The following ANO1 variants were observed in gnomAD, a reference collection of about 807,000 sequenced individuals.
The protein encoded by ANO1 is anoctamin-1.
In ANO1, 59 loss-of-function variants were observed where a neutral mutation model predicts 124.0. That is an observed-to-expected ratio of 0.48 (90% CI 0.39 to 0.59). The LOEUF is 0.59. ANO1 is among the 20% of genes least tolerant of loss of function. The pLI is 0.00. For missense variants in ANO1, 1,059 were observed against 1,328.0 expected, an observed-to-expected ratio of 0.80 and a Z score of 3.15; for synonymous variants, 529 against 532.0, an observed-to-expected ratio of 0.99 and a Z score of 0.08.
At chr11:70,003,250 C>T (rs1856418719) in intron 1 of ANO1, among the ~76,000 whole-genome samples, 1 of 152,186 alleles carries the variant, frequency 6.6e-6, no homozygotes, top group South Asian at 2.1e-4. Flanking sequence ...GAAAAGACAG[C>T]TTTACTCATA....
intron 1 of ANO1, among the ~76,000 whole-genome samples, chr11:70,006,989 G>A (rs1370630933): frequency 2.6e-5 from 4 of 151,970 alleles, no homozygotes; most frequent in South Asian, 4.1e-4. Flanking sequence ...CATTTTAAAT[G>A]TACAGTACAA....
upstream of ANO1, among the ~76,000 whole-genome samples, chr11:69,982,773 T>G (rs537028142): frequency 7.8e-4 from 118 of 152,254 alleles, no homozygotes; most frequent in African/African-American, 2.8e-3. Context: ...GGGCTTTGTT[T>G]TGCTCCCTTT....
At chr11:70,001,439 C>T (rs974578263) in intron 1 of ANO1, among the ~76,000 whole-genome samples, 7 of 152,304 alleles carry the variant, frequency 4.6e-5, no homozygotes, top group Non-Finnish European at 7.4e-5. Flanking sequence ...CACACTCAGA[C>T]ACGAGGATGG....
chr11:70,131,488 C>A (rs185349120), intron 10 of ANO1, among the ~76,000 whole-genome samples: 58 of 152,204 alleles, frequency 3.8e-4, no homozygotes, highest in African/African-American at 1.3e-3. Context: ...CCACCATGCC[C>A]GGCTAATTTT....
intron 1 of ANO1, among the ~76,000 whole-genome samples, chr11:70,052,516 A>C (rs1252030111): frequency 1.2e-5 from 1 of 83,820 alleles, no homozygotes; most frequent in African/African-American, 4.8e-5. Context: ...TTTGGGGAGA[A>C]TTTCTTTTTC....
chr11:70,038,341 A>C (rs112042703), intron 1 of ANO1, among the ~76,000 whole-genome samples: 4 of 152,246 alleles, frequency 2.6e-5, no homozygotes, highest in African/African-American at 9.6e-5. Flanking sequence ...AATCGGGTCA[A>C]GCTTAGAATG....
chr11:69,985,606 C>A (rs1447332484), upstream of ANO1, among the ~76,000 whole-genome samples: 3 of 152,212 alleles, frequency 2.0e-5, no homozygotes, highest in Non-Finnish European at 4.4e-5. Flanking sequence ...GTAGTCAACA[C>A]CCCTTCCCTG....
intron 1 of ANO1, among the ~76,000 whole-genome samples, chr11:69,995,844 C>T (rs782615166): frequency 9.2e-5 from 14 of 152,172 alleles, no homozygotes; most frequent in South Asian, 2.1e-4. Context: ...CAGTGGCTCA[C>T]GTCTGTAATC....
intron 3 of ANO1, among the ~76,000 whole-genome samples, chr11:70,103,641 G>A (rs967442386): frequency 6.6e-6 from 1 of 152,194 alleles, no homozygotes; most frequent in Non-Finnish European, 1.5e-5. Context: ...GCTTAGCTTG[G>A]AGTCGGTATT....
intron 6 of ANO1, among the ~76,000 whole-genome samples, chr11:70,110,376 C>T (rs983670114): frequency 5.9e-5 from 9 of 151,858 alleles, no homozygotes; most frequent in African/African-American, 1.5e-4. Context: ...TTAGTAGAGA[C>T]GGGGTTTCAC....
rs370815339 is a variant in ANO1 at position 70,149,851 on chromosome 11, G to A, written c.1341+59G>A. On this transcript the variant is annotated intron_variant, in intron 12 of 25. Coordinates refer to ENST00000355303, the MANE Select transcript of ANO1 (RefSeq NM_018043.7). Reference sequence around the variant, plus strand: ...TTCCCCCACGTTCCCCCTACCCCAGGACCTCCTTGGGACTTACACGGAGGC... The same window carrying A: ...TTCCCCCACGTTCCCCCTACCCCAGAACCTCCTTGGGACTTACACGGAGGC... The A allele has an allele frequency of 2.4e-4, 385 of 1,575,556 alleles. No individual in the cohort carries two copies. The African/African-American group carries it at 4.4e-3, about 18-fold the overall frequency.
intron 1 of ANO1, among the ~76,000 whole-genome samples, chr11:70,042,548 TGAGA>T (rs146754285): frequency 9.5e-5 from 13 of 136,306 alleles, no homozygotes; most frequent in Admixed American, 1.4e-4. Flanking sequence ...ATTGAGAGAT[TGAGA>T]GAGAGAGAGA....
chr11:70,083,427 C>G (rs80163094), intron 1 of ANO1, among the ~76,000 whole-genome samples: 24,321 of 151,954 alleles, frequency 0.16, 2,157 homozygotes, highest in Admixed American at 0.24. Flanking sequence ...CTTGATCAGG[C>G]CCCAGTGCTG....
chr11:70,010,160 T>C (rs1410443399), intron 1 of ANO1, among the ~76,000 whole-genome samples: 630 of 62,232 alleles, frequency 0.01, 21 homozygotes, highest in African/African-American at 0.032. Flanking sequence ...TGTGTGTGTG[T>C]GTGTGCGCGT....
intron 1 of ANO1, among the ~76,000 whole-genome samples, chr11:70,006,669 T>C (rs868951337): frequency 0.079 from 8,994 of 113,702 alleles, 439 homozygotes; most frequent in Non-Finnish European, 0.096. Flanking sequence ...CTTTCTTTTT[T>C]TTTTTTTTTT....
At chr11:70,084,128 C>T (rs1160074932) in intron 1 of ANO1, among the ~76,000 whole-genome samples, 4 of 152,102 alleles carry the variant, frequency 2.6e-5, no homozygotes, top group African/African-American at 2.4e-5. Context: ...GAGGAATAGC[C>T]GAAGCCCTCA....
chr11:70,012,587 A>AATCT (rs139976611), intron 1 of ANO1, among the ~76,000 whole-genome samples: 6,483 of 130,030 alleles, frequency 0.05, 482 homozygotes, highest in African/African-American at 0.17. Flanking sequence ...TTCATCTGGC[A>AATCT]ATCTATTCAT....
intron 1 of ANO1, among the ~76,000 whole-genome samples, chr11:70,045,218 CTA>C (rs1302125082): frequency 2.0e-5 from 3 of 152,182 alleles, no homozygotes; most frequent in Non-Finnish European, 2.9e-5. Flanking sequence ...GGCAATTTTT[CTA>C]TATGTTTGGG....
chr11:70,117,962 C>T (rs1280339636), intron 8 of ANO1, among the ~76,000 whole-genome samples: 3 of 152,170 alleles, frequency 2.0e-5, no homozygotes, highest in Non-Finnish European at 2.9e-5. Flanking sequence ...TCTGGGACCC[C>T]ATGACTTGCA....
Sources: allele counts gnomAD v4.1 joint callset (sites outside exome capture counted in the v4.1 genomes callset), GRCh38; gene constraint gnomAD v4.1.1; transcripts MANE v1.5; gene names NCBI Gene and HGNC (gene_info 2026-07-23, HGNC 2026-07-21).